Variants in ASTN2 observed in about 807,000 individuals in gnomAD.
ASTN2 encodes the protein astrotactin-2.
In ASTN2, 54 loss-of-function variants were observed where a neutral mutation model predicts 139.8. The ratio of observed to expected loss-of-function variants is 0.39; its 90% CI spans 0.31 to 0.48. The LOEUF (loss-of-function observed/expected upper bound fraction) is 0.48, where lower values mean the gene tolerates loss of function less well. ASTN2 is among the 20% of genes least tolerant of loss of function. ASTN2 has a pLI of 0.95. For missense variants in ASTN2, 1,565 were observed against 1,725.1 expected (o/e 0.91, Z 1.64); for synonymous variants, 756 against 719.5 (o/e 1.05, Z -0.81).
intron 5 of ASTN2, among the ~76,000 whole-genome samples, chr9:117,079,818 C>T (rs1291848553): frequency 6.6e-6 from 1 of 152,266 alleles, no homozygotes; most frequent in African/African-American, 2.4e-5. Flanking sequence ...TATAGAAACA[C>T]AGTCTCCTCC....
In ASTN2 at chr9:117,214,415, G is replaced by C. The variant is rs768123132; in HGVS notation, c.958C>G (p.His320Asp). The C allele has an allele frequency of 3.3e-5, 54 of 1,613,884 alleles. No individual in the cohort carries two copies. Among genetic ancestry groups the C allele is most frequent in the Non-Finnish European group, 3.9e-5 (46 of 1,179,880 alleles). Reference protein sequence around the residue: ...REDEFGSQVTHTLDSLGHPGE... With the variant: ...REDEFGSQVTDTLDSLGHPGE... ...GGATGTCCCAGACTGTCCAGAGTGT[G>C]GGTCACCTGGCTGCCAAACTCGTCC... Residue 320 changes from histidine to aspartate, a missense_variant, in exon 3 of 23, where the codon CAC (histidine) becomes GAC (aspartate). Physicochemically the swap from His to Asp is moderately conservative, Grantham distance 81 (BLOSUM62 -1). Around this residue, in one of 4 missense-constraint regions of ASTN2, gnomAD observed 596 missense variants for 576.8 expected, o/e 1.03. Transcript: ENST00000313400.
chr9:117,214,447 G>T lies in ASTN2; in HGVS notation c.926C>A (p.Ser309Tyr), dbSNP rs779969344. 3 of 1,614,132 alleles carry T rather than the reference G, an allele frequency of 1.9e-6. No homozygotes were observed. Among genetic ancestry groups the T allele is most frequent in the South Asian group, 1.1e-5 (1 of 91,082 alleles). Reference protein sequence around the residue: ...EEPPRRANHVSREDEFGSQVT... With the variant: ...EEPPRRANHVYREDEFGSQVT... ...CTGGCTGCCAAACTCGTCCTCGCGG[G>T]AGACATGGTTGGCCCGCCTAGGTGG... is the stretch of plus-strand genomic sequence containing the variant. The change falls in exon 3 of 23, where the codon TCC becomes TAC. Residue 309 changes from serine to tyrosine, a missense_variant. By Grantham distance (144) the Ser-to-Tyr change is moderately radical (BLOSUM62 -2). Transcript: ENST00000313400.
intron 6 of ASTN2, among the ~76,000 whole-genome samples, chr9:117,032,664 T>G (rs1838281311): frequency 6.6e-6 from 1 of 152,160 alleles, no homozygotes; most frequent in Non-Finnish European, 1.5e-5. Flanking sequence ...CAGCACAAAG[T>G]CATGCATTAG....
chr9:116,593,526 T>C (rs6478245), intron 19 of ASTN2, among the ~76,000 whole-genome samples: 66,910 of 152,044 alleles, frequency 0.44, 15,536 homozygotes, highest in East Asian at 0.69. Context: ...CAAGATCCTA[T>C]GCAAGCCAAG....
At chr9:116,465,315 G>A (rs1428768039) in intron 20 of ASTN2, among the ~76,000 whole-genome samples, 2 of 152,074 alleles carry the variant, frequency 1.3e-5, no homozygotes, top group Non-Finnish European at 2.9e-5. Flanking sequence ...CTTTCTGGTC[G>A]ACTGGACACA....
chr9:116,894,276 T>C (rs936257290), intron 10 of ASTN2, among the ~76,000 whole-genome samples: 1 of 152,130 alleles, frequency 6.6e-6, no homozygotes, highest in Non-Finnish European at 1.5e-5. Flanking sequence ...TGGATGGTAA[T>C]TGATATTTCA....
At chr9:116,995,765 A>T (rs966068799) in intron 7 of ASTN2, among the ~76,000 whole-genome samples, 1 of 152,196 alleles carries the variant, frequency 6.6e-6, no homozygotes, top group African/African-American at 2.4e-5. Context: ...CTCACTTGTA[A>T]AATGAGACGA....
intron 1 of ASTN2, among the ~76,000 whole-genome samples, chr9:117,375,828 G>T (rs1197789538): frequency 1.3e-5 from 2 of 152,114 alleles, no homozygotes; most frequent in Non-Finnish European, 2.9e-5. Flanking sequence ...CAGCAGGGCT[G>T]CATTCCCTTC....
chr9:116,504,627 A>T (rs972792622), intron 19 of ASTN2, among the ~76,000 whole-genome samples: 6 of 152,154 alleles, frequency 3.9e-5, no homozygotes, highest in Non-Finnish European at 5.9e-5. Flanking sequence ...ATATAACTTA[A>T]GCATTCACAA....
At chr9:117,093,762 A>G (rs1231799724) in intron 5 of ASTN2, among the ~76,000 whole-genome samples, 1 of 152,220 alleles carries the variant, frequency 6.6e-6, no homozygotes, top group Non-Finnish European at 1.5e-5. Context: ...ATTCAACAAC[A>G]AAAAATTATA....
chr9:116,772,685 A>G lies in ASTN2; in HGVS notation c.2396+32947T>C, dbSNP rs532596222. 6.3e-4 allele frequency among the ~76,000 whole-genome samples: 96 copies of G among 152,266 alleles called. 1 individual carries two copies. The Middle Eastern group carries it at 0.02, about 32-fold the overall frequency. On this transcript the variant is annotated intron_variant, in intron 13 of 22. Coordinates refer to ENST00000313400, the MANE Select transcript of ASTN2 (RefSeq NM_001365068.1). ...TCACTATGGGTTACAATGATCACTG[A>G]GCCCCATTCCCAGGACTTCCCTCCT...
chr9:116,874,238 T>A (rs1375159651), intron 10 of ASTN2, among the ~76,000 whole-genome samples: 2 of 152,122 alleles, frequency 1.3e-5, no homozygotes, highest in Non-Finnish European at 2.9e-5. Context: ...ACACTTAACA[T>A]TCTCCTTCCT....
At chr9:116,956,765 G>C (rs956607419) in intron 10 of ASTN2, among the ~76,000 whole-genome samples, 2 of 151,912 alleles carry the variant, frequency 1.3e-5, no homozygotes, top group Admixed American at 6.6e-5. Flanking sequence ...AAAGTCGATT[G>C]TATTTCTCTA....
chr9:116,440,576 T>C (rs1255832998), intron 22 of ASTN2, 33 bp downstream of exon 22: 2 of 1,604,336 alleles, frequency 1.2e-6, no homozygotes, highest in Admixed American at 3.4e-5. Context: ...GCAAAAAGAA[T>C]ATGCCCCTCC....
At chr9:117,291,199 T>C in intron 2 of ASTN2, 127 bp downstream of exon 2, 1 of 1,231,644 alleles carries the variant, frequency 8.1e-7, no homozygotes, top group Non-Finnish European at 1.1e-6. Context: ...ATTTTCTGTT[T>C]CTCATTCTAA....
At chr9:117,279,344 T>C (rs1834270907) in intron 2 of ASTN2, among the ~76,000 whole-genome samples, 1 of 152,230 alleles carries the variant, frequency 6.6e-6, no homozygotes, top group Non-Finnish European at 1.5e-5. Flanking sequence ...GAGAGTTGTC[T>C]TAACCTTCTA....
intron 16 of ASTN2, among the ~76,000 whole-genome samples, chr9:116,694,205 A>T (rs1278805879): frequency 6.6e-6 from 1 of 152,140 alleles, no homozygotes; most frequent in African/African-American, 2.4e-5. Flanking sequence ...TTTTCAATTG[A>T]AGGAGGGATA....
At chr9:116,465,030 C>T (rs1848609506) in intron 20 of ASTN2, among the ~76,000 whole-genome samples, 1 of 152,198 alleles carries the variant, frequency 6.6e-6, no homozygotes, top group South Asian at 2.1e-4. Flanking sequence ...TAGATATGGA[C>T]CCGGCTCTGT....
At chr9:116,469,971 G>A (rs12349564) in intron 20 of ASTN2, among the ~76,000 whole-genome samples, 49,812 of 151,902 alleles carry the variant, frequency 0.33, 8,831 homozygotes, top group Non-Finnish European at 0.4. Context: ...TTAGGAGGCC[G>A]AGGTGGCAGG....
Sources: gnomAD v4.1 joint callset for allele counts (sites outside exome capture counted in the v4.1 genomes callset) on GRCh38, gnomAD v4.1.1 for gene constraint, gnomAD v4.1.1 regional missense constraint, MANE v1.5 for transcripts, NCBI Gene and HGNC (gene_info 2026-07-23, HGNC 2026-07-21) for gene names.